The following TNFRSF19 variants were observed in gnomAD, a reference collection of about 807,000 sequenced individuals.
The protein encoded by TNFRSF19 is TNF receptor superfamily member 19.
Under a neutral mutation model 46.4 loss-of-function variants are expected in TNFRSF19, and 27 were observed. That is an observed-to-expected ratio of 0.58 (90% CI 0.43 to 0.80). The LOEUF is 0.80. Among genes scored for constraint, TNFRSF19 ranks in the 30% least tolerant of loss-of-function variants. The pLI, the probability that TNFRSF19 is intolerant of heterozygous loss-of-function variation, is 0.00. For synonymous variants in TNFRSF19, 204 were observed against 205.0 expected (o/e 1.00, Z 0.04); for missense variants, 511 against 530.8 (o/e 0.96, Z 0.37).
chr13:23,576,514 A>C (rs1877968931), intron 1 of TNFRSF19, among the ~76,000 whole-genome samples: 1 of 152,028 alleles, frequency 6.6e-6, no homozygotes, highest in Non-Finnish European at 1.5e-5. Context: ...ATCATACAAC[A>C]CTCAAATGAG....
intron 3 of TNFRSF19, among the ~76,000 whole-genome samples, chr13:23,614,746 C>CATACATATATATATATATAT (rs773633456): frequency 2.2e-5 from 3 of 134,864 alleles, no homozygotes; most frequent in African/African-American, 5.6e-5. Flanking sequence ...ATAAGTAATA[C>CATACATATATATATATATAT]ATATATATAT....
chr13:23,603,757 T>C (rs1880327411), intron 3 of TNFRSF19, among the ~76,000 whole-genome samples: 1 of 151,630 alleles, frequency 6.6e-6, no homozygotes, highest in African/African-American at 2.4e-5. Context: ...ATTTGAAAAA[T>C]CTAACACCCA....
At chr13:23,672,024 G>T (rs1030639884) in intron 9 of TNFRSF19, among the ~76,000 whole-genome samples, 1 of 152,166 alleles carries the variant, frequency 6.6e-6, no homozygotes, top group Non-Finnish European at 1.5e-5. Flanking sequence ...CCATCTGGGA[G>T]GTGGAAAAGG....
At chr13:23,573,091 A>G (rs1303606103) in intron 1 of TNFRSF19, among the ~76,000 whole-genome samples, 1 of 152,252 alleles carries the variant, frequency 6.6e-6, no homozygotes, top group Non-Finnish European at 1.5e-5. Flanking sequence ...GAGGCTATAG[A>G]AAACGAATGT....
chr13:23,592,619 T>G (rs1879397049), intron 2 of TNFRSF19, among the ~76,000 whole-genome samples: 1 of 152,170 alleles, frequency 6.6e-6, no homozygotes, highest in Non-Finnish European at 1.5e-5. Context: ...TAAGCTCAGA[T>G]TTGGATGGCA....
At chr13:23,652,437 T>C (rs1593288550) in intron 5 of TNFRSF19, among the ~76,000 whole-genome samples, 1 of 152,374 alleles carries the variant, frequency 6.6e-6, no homozygotes, top group East Asian at 1.9e-4. Context: ...GATTGTTAAC[T>C]AAGATTACAT....
intron 7 of TNFRSF19, among the ~76,000 whole-genome samples, chr13:23,664,108 G>A (rs1198344421): frequency 6.6e-6 from 1 of 152,046 alleles, no homozygotes. Flanking sequence ...GTTAATTTGA[G>A]ATCTTTCTAA....
chr13:23,588,527 G>A (rs1262357630), intron 1 of TNFRSF19, among the ~76,000 whole-genome samples: 5 of 152,122 alleles, frequency 3.3e-5, no homozygotes, highest in African/African-American at 9.7e-5. Context: ...TGATTGACTT[G>A]TCAATTTCTT....
chr13:23,596,704 A>G (rs1360563851), intron 3 of TNFRSF19, among the ~76,000 whole-genome samples: 1 of 152,166 alleles, frequency 6.6e-6, no homozygotes, highest in Non-Finnish European at 1.5e-5. Flanking sequence ...CGAGACAGAA[A>G]ATTAACAAGG....
At chr13:23,639,798 A>T (rs932907214) in intron 5 of TNFRSF19, among the ~76,000 whole-genome samples, 1 of 152,230 alleles carries the variant, frequency 6.6e-6, no homozygotes, top group Non-Finnish European at 1.5e-5. Flanking sequence ...AGCCCAGAGG[A>T]TTTGGAAAGA....
chr13:23,610,744 C>T (rs1196516918), intron 3 of TNFRSF19, among the ~76,000 whole-genome samples: 2 of 152,062 alleles, frequency 1.3e-5, no homozygotes. Flanking sequence ...TGGAGGGAGG[C>T]ATTGGATACC....
chr13:23,610,984 G>A (rs1880866076), intron 3 of TNFRSF19, among the ~76,000 whole-genome samples: 1 of 152,054 alleles, frequency 6.6e-6, no homozygotes, highest in Admixed American at 6.6e-5. Context: ...AAACAGAAAT[G>A]CATTTCTACC....
intron 5 of TNFRSF19, among the ~76,000 whole-genome samples, chr13:23,628,037 T>C (rs1285154914): frequency 6.6e-6 from 1 of 152,242 alleles, no homozygotes; most frequent in African/African-American, 2.4e-5. Flanking sequence ...ATGCCTGTTA[T>C]CAGTCACAAT....
chr13:23,615,942 T>G lies in TNFRSF19; in HGVS notation c.256T>G (p.Phe86Val), dbSNP rs757633035. 1.5e-5 allele frequency: 24 copies of G among 1,614,092 alleles called. No homozygotes were observed. In the South Asian group the frequency reaches 2.5e-4, roughly 17 times the overall value. ...RLHRFKEDWG[F>V]QKCKPCLDCA... ...GCACAGGTTCAAGGAGGACTGGGGC[T>G]TCCAGAAATGCAAGCCCTGTCTGGA... Residue 86 changes from phenylalanine to valine, a missense_variant, in exon 4 of 10, where the codon TTC becomes GTC. By Grantham distance (50) the Phe-to-Val change is conservative. Transcript: ENST00000248484.
intron 1 of TNFRSF19, among the ~76,000 whole-genome samples, chr13:23,581,308 G>A (rs990200250): frequency 3.9e-5 from 6 of 151,962 alleles, no homozygotes; most frequent in African/African-American, 1.4e-4. Context: ...ACCACACCCG[G>A]CTAATTTTTT....
intron 3 of TNFRSF19, among the ~76,000 whole-genome samples, chr13:23,598,443 A>G (rs1369255443): frequency 6.6e-6 from 1 of 152,156 alleles, no homozygotes; most frequent in African/African-American, 2.4e-5. Flanking sequence ...ACTTACTGGG[A>G]CTTCTTTTTC....
At chr13:23,626,187 C>CTTTGTG (rs71185087) in intron 4 of TNFRSF19, among the ~76,000 whole-genome samples, 35 of 145,468 alleles carry the variant, frequency 2.4e-4, no homozygotes, top group Non-Finnish European at 1.5e-4. Context: ...TCTTTAAAAT[C>CTTTGTG]TGTGTGTGTG....
At chr13:23,636,173 C>T (rs186283026) in intron 5 of TNFRSF19, among the ~76,000 whole-genome samples, 14 of 152,258 alleles carry the variant, frequency 9.2e-5, no homozygotes, top group Admixed American at 2.0e-4. Context: ...AAGAGACCAA[C>T]GGGTTATGTT....
chr13:23,592,372 C>A (rs988264209), intron 2 of TNFRSF19, among the ~76,000 whole-genome samples: 1 of 152,076 alleles, frequency 6.6e-6, no homozygotes, highest in Non-Finnish European at 1.5e-5. Context: ...GCTGCTAATA[C>A]CAGCATTACT....
Sources: gnomAD v4.1 joint callset for allele counts (sites outside exome capture counted in the v4.1 genomes callset) on GRCh38, gnomAD v4.1.1 for gene constraint, MANE v1.5 for transcripts, NCBI Gene and HGNC (gene_info 2026-07-23, HGNC 2026-07-21) for gene names.